The following CCDC60 variants were observed in gnomAD, a reference collection of about 807,000 sequenced individuals.
CCDC60 encodes coiled-coil domain-containing protein 60.
CCDC60 carries 54 observed loss-of-function variants against 63.5 expected under a neutral mutation model. The ratio of observed to expected loss-of-function variants is 0.85; its 90% CI spans 0.68 to 1.07. The LOEUF (loss-of-function observed/expected upper bound fraction) is 1.07. Among genes scored for constraint, CCDC60 ranks in the 50% least tolerant of loss-of-function variants. The pLI is 0.00. For missense variants in CCDC60, 651 were observed against 684.3 expected, an observed-to-expected ratio of 0.95 and a Z score of 0.54; for synonymous variants, 206 against 238.8, an observed-to-expected ratio of 0.86 and a Z score of 1.27.
chr12:119,488,568 G>C (rs1035559469), intron 4 of CCDC60, among the ~76,000 whole-genome samples, 191 bp from the exon 5 acceptor site: 13 of 152,128 alleles, frequency 8.5e-5, no homozygotes, highest in Admixed American at 7.2e-4. Flanking sequence ...CTGTAAAATG[G>C]GCTACAGAAT....
At chr12:119,513,853 G>A (rs565758333) in intron 7 of CCDC60, among the ~76,000 whole-genome samples, 1 of 152,284 alleles carries the variant, frequency 6.6e-6, no homozygotes, top group Non-Finnish European at 1.5e-5. Context: ...ACACAGTACT[G>A]TACTTGATAA....
At chr12:119,385,058 T>C (rs1463287583) in intron 1 of CCDC60, among the ~76,000 whole-genome samples, 1 of 152,244 alleles carries the variant, frequency 6.6e-6, no homozygotes, top group African/African-American at 2.4e-5. Flanking sequence ...CTTAGATTAA[T>C]GAAGTCCTGG....
At chr12:119,531,290 G>A (rs1184556676) in intron 13 of CCDC60, among the ~76,000 whole-genome samples, 1 of 152,166 alleles carries the variant, frequency 6.6e-6, no homozygotes, top group African/African-American at 2.4e-5. Context: ...AGGCTTTGGG[G>A]TGGCATAAAA....
rs1336750596 is a variant in CCDC60, at chr12:119,496,283, G to A, written c.558-3795G>A. Among the ~76,000 whole-genome samples the A allele has an allele frequency of 2.6e-5, 4 of 152,302 alleles. No individual in the cohort carries two copies. In the South Asian group the frequency reaches 6.2e-4, roughly 24 times the overall value. ...AGATGGGAGTTCAGAAAGAGAGCAC[G>A]AAGTATTTGAGAAAATTGCTCTGAA... On this transcript the variant is annotated intron_variant, in intron 5 of 13. Transcript: ENST00000327554.
intron 2 of CCDC60, among the ~76,000 whole-genome samples, chr12:119,468,478 A>C (rs1042843249): frequency 2.6e-5 from 4 of 152,178 alleles, no homozygotes; most frequent in Non-Finnish European, 5.9e-5. Context: ...CTTGCCTGCA[A>C]CTGACTGTCT....
chr12:119,484,620 G>A (rs1374998967), intron 4 of CCDC60, among the ~76,000 whole-genome samples: 1 of 152,100 alleles, frequency 6.6e-6, no homozygotes, highest in Non-Finnish European at 1.5e-5. Context: ...GACTGAAGTA[G>A]GAGGATCGCT....
In CCDC60 at chr12:119,398,385, A is replaced by G. The variant is rs754577694; in HGVS notation, c.91-30298A>G. ...CCGGAACTCGTGCTGGCCTGGGAGCATGGCACGCAGACTCGGTTCCCACCC... is the reference window on the plus strand; with the variant it reads ...CCGGAACTCGTGCTGGCCTGGGAGCGTGGCACGCAGACTCGGTTCCCACCC... On this transcript the variant is annotated intron_variant, in intron 1 of 13. Transcript: ENST00000327554. 1.5e-3 allele frequency among the ~76,000 whole-genome samples: 235 copies of G among 152,202 alleles called. 8 individuals are homozygous for G. The highest frequency in any genetic ancestry group is 3.4e-3 in the Middle Eastern group (1 of 294).
chr12:119,407,563 T>C (rs1956516899), intron 1 of CCDC60, among the ~76,000 whole-genome samples: 1 of 152,106 alleles, frequency 6.6e-6, no homozygotes, highest in Non-Finnish European at 1.5e-5. Flanking sequence ...TAAAAATATG[T>C]TGTATCTATC....
At chr12:119,487,422 C>G (rs747933182) in intron 4 of CCDC60, among the ~76,000 whole-genome samples, 9 of 151,950 alleles carry the variant, frequency 5.9e-5, no homozygotes, top group African/African-American at 2.2e-4. Flanking sequence ...CTTAGCCTCC[C>G]GAGTAGCTGG....
At chr12:119,348,869 T>C (rs1955624937) in intron 1 of CCDC60, among the ~76,000 whole-genome samples, 2 of 152,214 alleles carry the variant, frequency 1.3e-5, no homozygotes, top group Non-Finnish European at 2.9e-5. Context: ...GGTTAAAAAT[T>C]ATGTCAATGT....
At chr12:119,393,742 G>A (rs1164580275) in intron 1 of CCDC60, among the ~76,000 whole-genome samples, 3 of 152,158 alleles carry the variant, frequency 2.0e-5, no homozygotes, top group Middle Eastern at 3.2e-3. Context: ...GGCTTCAAGA[G>A]GAAAGAAATA....
In CCDC60 at chr12:119,339,468, A is replaced by G. The variant is rs549421410; in HGVS notation, c.90+4202A>G. ...AGGAACCATTCTGGGTGACTTGCTC[A>G]TATCCTAGCTTTTAGTGATTAAAGG... is the stretch of plus-strand genomic sequence containing the variant. On this transcript the variant is annotated intron_variant, in intron 1 of 13. Transcript: ENST00000327554. Among the ~76,000 whole-genome samples the G allele has an allele frequency of 2.6e-5, 4 of 152,292 alleles. No homozygotes were observed. The South Asian group carries it at 8.3e-4, about 32-fold the overall frequency.
chr12:119,419,292 A>T (rs1956765582), intron 1 of CCDC60, among the ~76,000 whole-genome samples: 1 of 151,992 alleles, frequency 6.6e-6, no homozygotes, highest in Non-Finnish European at 1.5e-5. Context: ...AAGAGTCCAG[A>T]TCACCTATTT....
Position 119,540,809 on chromosome 12 carries a change from T to G in CCDC60, c.*94T>G. 1 of 825,586 alleles carries G rather than the reference T, an allele frequency of 1.2e-6. No homozygotes were observed. Among genetic ancestry groups the G allele is most frequent in the South Asian group, 1.5e-5 (1 of 65,590 alleles). 51.1% of individuals were successfully genotyped at this position (825,586 alleles called of 1,614,324 possible). Reference sequence around the variant, plus strand: ...CTGTGTTCCTGCCTCCTGACTACCCTCATGGATGCTCTTTATGGATGACCC... The same window carrying G: ...CTGTGTTCCTGCCTCCTGACTACCCGCATGGATGCTCTTTATGGATGACCC... On this transcript the variant is annotated 3_prime_UTR_variant, in exon 14 of 14. Coordinates refer to ENST00000327554, the MANE Select transcript of CCDC60 (RefSeq NM_178499.5).
rs140087474 is a variant in CCDC60 at position 119,407,725 on chromosome 12, C to T, written c.91-20958C>T. ...GTAGTTATATGCAGTCACTCTGCCC[C>T]TCCATGCCTTGGTAGTGGCTTTTTT... On this transcript the variant is annotated intron_variant, in intron 1 of 13. Coordinates refer to ENST00000327554, the MANE Select transcript of CCDC60 (RefSeq NM_178499.5). Among the ~76,000 whole-genome samples, 46 of 152,310 alleles carry T rather than the reference C, an allele frequency of 3.0e-4. No homozygotes were observed. The East Asian group carries it at 8.9e-3, about 29-fold the overall frequency.
intron 5 of CCDC60, among the ~76,000 whole-genome samples, chr12:119,492,914 G>A (rs539585972): frequency 6.6e-6 from 1 of 152,280 alleles, no homozygotes; most frequent in African/African-American, 2.4e-5. Flanking sequence ...CAGTACCATT[G>A]AGACTGAAGG....
chr12:119,397,113 G>T (rs1200129789), intron 1 of CCDC60, among the ~76,000 whole-genome samples: 1 of 152,192 alleles, frequency 6.6e-6, no homozygotes, highest in African/African-American at 2.4e-5. Flanking sequence ...ATTTCTCCCT[G>T]TGAGTTCATG....
Position 119,410,264 on chromosome 12 carries a change from A to G in CCDC60, c.91-18419A>G, listed in dbSNP as rs908432517. 2.0e-5 allele frequency among the ~76,000 whole-genome samples: 3 copies of G among 151,926 alleles called. No homozygotes were observed. The highest frequency in any genetic ancestry group is 7.3e-5 in the African/African-American group (3 of 41,350). On this transcript the variant is annotated intron_variant, in intron 1 of 13. Transcript: ENST00000327554. The surrounding 1 kb of genome is among the most constrained non-coding windows in gnomAD (Gnocchi z 4.0). The stretch of plus-strand genomic sequence containing the variant: ...GAAGGATACACAAGAACTTGATAAC[A>G]CTATTCATTTCCAGGGAGGGAAATG...
At chr12:119,336,308 T>A (rs756845634) in intron 1 of CCDC60, among the ~76,000 whole-genome samples, 8 of 152,076 alleles carry the variant, frequency 5.3e-5, no homozygotes, top group Non-Finnish European at 1.0e-4. Context: ...AGAGTCATGG[T>A]GTGATTAAAT....
Sources: allele counts gnomAD v4.1 joint callset (sites outside exome capture counted in the v4.1 genomes callset), GRCh38; gene constraint gnomAD v4.1.1; non-coding constraint Gnocchi (gnomAD v3.1); transcripts MANE v1.5; gene names NCBI Gene and HGNC (gene_info 2026-07-23, HGNC 2026-07-21).